The following ZYG11B variants were observed in gnomAD, a reference collection of about 807,000 sequenced individuals.
The protein encoded by ZYG11B is zyg-11 family member B, cell cycle regulator.
Under a neutral mutation model 82.4 loss-of-function variants are expected in ZYG11B, and 36 were observed. That is an observed-to-expected ratio of 0.44 (90% confidence interval 0.33 to 0.58). ZYG11B has a LOEUF of 0.58. ZYG11B is among the 20% of genes least tolerant of loss of function. The probability of loss-of-function intolerance (pLI) is 0.02; values close to 1 mark genes in which losing one functional copy is unlikely to be tolerated. For synonymous variants in ZYG11B, 303 were observed against 312.8 expected (o/e 0.97, Z 0.33); for missense variants, 552 against 895.6 (o/e 0.62, Z 4.90).
chr1:52,785,217 C>T (rs563938003), intron 5 of ZYG11B, among the ~76,000 whole-genome samples, 164 bp downstream of exon 5: 26 of 152,110 alleles, frequency 1.7e-4, no homozygotes, highest in Non-Finnish European at 3.4e-4. Context: ...GAGTATATTC[C>T]GTGCCTAAAA....
intron 1 of ZYG11B, among the ~76,000 whole-genome samples, chr1:52,732,847 G>A (rs1257204148): frequency 6.6e-6 from 1 of 151,886 alleles, no homozygotes; most frequent in Admixed American, 6.6e-5. Flanking sequence ...GGTGGCGGGT[G>A]CCTGTAATCC....
intron 10 of ZYG11B, among the ~76,000 whole-genome samples, chr1:52,802,631 A>G (rs1453059280): frequency 2.6e-5 from 4 of 151,830 alleles, no homozygotes; most frequent in Non-Finnish European, 4.4e-5. Context: ...GATTATAGGC[A>G]TGAGCTGCCT....
chr1:52,766,452 A>G (rs1644690710), intron 2 of ZYG11B, among the ~76,000 whole-genome samples: 1 of 151,438 alleles, frequency 6.6e-6, no homozygotes, highest in Non-Finnish European at 1.5e-5. Flanking sequence ...ATTTAATTGC[A>G]TTTTTTTATG....
At chr1:52,738,451 G>A (rs1644396335) in intron 1 of ZYG11B, among the ~76,000 whole-genome samples, 1 of 151,836 alleles carries the variant, frequency 6.6e-6, no homozygotes. Context: ...AAAGTGCTGA[G>A]ATTACAGGCA....
chr1:52,741,896 G>A (rs1644434189), intron 1 of ZYG11B, among the ~76,000 whole-genome samples: 1 of 151,982 alleles, frequency 6.6e-6, no homozygotes, highest in Non-Finnish European at 1.5e-5. Flanking sequence ...TGGTAGAGGT[G>A]GCATTTTAAT....
chr1:52,782,024 A>G (rs1464020137), intron 4 of ZYG11B, among the ~76,000 whole-genome samples: 1 of 152,002 alleles, frequency 6.6e-6, no homozygotes, highest in Non-Finnish European at 1.5e-5. Context: ...TCAGAGAATG[A>G]TTCAGAGATA....
intron 1 of ZYG11B, among the ~76,000 whole-genome samples, chr1:52,735,909 T>C (rs1489546347): frequency 3.3e-5 from 5 of 152,034 alleles, no homozygotes; most frequent in African/African-American, 1.2e-4. Context: ...TTTCAGAACA[T>C]ATTAATTGTG....
intron 3 of ZYG11B, among the ~76,000 whole-genome samples, chr1:52,778,059 G>A (rs1411882868): frequency 6.6e-6 from 1 of 152,058 alleles, no homozygotes; most frequent in Non-Finnish European, 1.5e-5. Flanking sequence ...CAAAGTGGTG[G>A]GATTACAGGC....
chr1:52,749,686 C>T (rs1484280587), intron 1 of ZYG11B, among the ~76,000 whole-genome samples: 1 of 151,968 alleles, frequency 6.6e-6, no homozygotes, highest in Non-Finnish European at 1.5e-5. Flanking sequence ...TCACCGCAAC[C>T]TCCGCCTCCC....
rs547332134 is a variant in ZYG11B, at chr1:52,728,357, A to G, written c.30+1674A>G. 5.4e-4 allele frequency among the ~76,000 whole-genome samples: 83 copies of G among 152,326 alleles called. 1 individual carries two copies. The Middle Eastern group carries it at 0.027, about 50-fold the overall frequency. ...TTGCAACCTTGAACTCCTGAGGTCA[A>G]GTGATCTTCCCACCTCAGCCTCACA... On this transcript the variant is annotated intron_variant, in intron 1 of 13. Transcript: ENST00000294353.
At chr1:52,811,785 C>T (rs1426942983) in intron 10 of ZYG11B, among the ~76,000 whole-genome samples, 1 of 152,044 alleles carries the variant, frequency 6.6e-6, no homozygotes, top group Admixed American at 6.6e-5. Flanking sequence ...AATCCCAGCA[C>T]TTTGGGAGGC....
chr1:52,734,365 A>G (rs901829745), intron 1 of ZYG11B, among the ~76,000 whole-genome samples: 6 of 152,030 alleles, frequency 3.9e-5, no homozygotes, highest in African/African-American at 1.4e-4. Context: ...TGCTTTTTTC[A>G]TAGGTCCTAA....
intron 2 of ZYG11B, among the ~76,000 whole-genome samples, chr1:52,761,510 C>T (rs966628039): frequency 6.6e-6 from 1 of 152,166 alleles, no homozygotes; most frequent in Non-Finnish European, 1.5e-5. Context: ...CTGTGAATGA[C>T]AGGATTTTAT....
intron 10 of ZYG11B, 76 bp downstream of exon 10, chr1:52,802,215 G>A: frequency 7.0e-7 from 1 of 1,431,332 alleles, no homozygotes; most frequent in Non-Finnish European, 9.6e-7. Context: ...GAAAGTTGCA[G>A]CTCTGCAGTG....
chr1:52,819,984 G>A (rs531192318), intron 13 of ZYG11B, among the ~76,000 whole-genome samples: 92 of 150,046 alleles, frequency 6.1e-4, no homozygotes, highest in African/African-American at 2.1e-3. Flanking sequence ...GCATGATCTC[G>A]GCTCACTGCA....
chr1:52,807,491 CTTT>C (rs34785263), intron 10 of ZYG11B, among the ~76,000 whole-genome samples: 7 of 128,916 alleles, frequency 5.4e-5, no homozygotes, highest in African/African-American at 5.9e-5. Flanking sequence ...GCTAAGAGTA[CTTT>C]TTTTTTTTTT....
chr1:52,798,302 G>A (rs972168786), intron 8 of ZYG11B, among the ~76,000 whole-genome samples: 2 of 151,728 alleles, frequency 1.3e-5, no homozygotes, highest in Non-Finnish European at 2.9e-5. Context: ...TGAACCATTG[G>A]GGTCTACATA....
At chr1:52,738,807 C>T (rs1448091849) in intron 1 of ZYG11B, among the ~76,000 whole-genome samples, 8 of 151,328 alleles carry the variant, frequency 5.3e-5, no homozygotes, top group Non-Finnish European at 1.0e-4. Context: ...TTAGTAGAGA[C>T]GGGGTTTCTC....
At chr1:52,797,132 ATTT>A (rs1645023231) in intron 8 of ZYG11B, among the ~76,000 whole-genome samples, 1 of 67,356 alleles carries the variant, frequency 1.5e-5, no homozygotes, top group Non-Finnish European at 2.1e-5. Context: ...TATATTATAT[ATTT>A]ATATATTATA....
Sources: gnomAD v4.1 joint callset for allele counts (sites outside exome capture counted in the v4.1 genomes callset) on GRCh38, gnomAD v4.1.1 for gene constraint, MANE v1.5 for transcripts, NCBI Gene and HGNC (gene_info 2026-07-23, HGNC 2026-07-21) for gene names.